PTK2: variants seen among roughly 807,000 people sequenced by gnomAD.
PTK2 encodes focal adhesion kinase 1.
In PTK2, 45 loss-of-function variants were observed where a neutral mutation model predicts 150.1. The ratio of observed to expected loss-of-function variants is 0.30; its 90% confidence interval spans 0.24 to 0.38. The LOEUF (loss-of-function observed/expected upper bound fraction) is 0.38, where lower values mean the gene tolerates loss of function less well. PTK2 is among the 10% of genes least tolerant of loss of function. The pLI, the probability that PTK2 is intolerant of heterozygous loss-of-function variation, is 1.00. For missense variants in PTK2, 919 were observed against 1,307.3 expected, an observed-to-expected ratio of 0.70 and a Z score of 4.58; for synonymous variants, 432 against 449.2, an observed-to-expected ratio of 0.96 and a Z score of 0.48.
At chr8:140,818,406 T>C in intron 9 of PTK2, 52 bp from the exon 10 acceptor site, 2 of 1,490,934 alleles carry the variant, frequency 1.3e-6, no homozygotes, top group South Asian at 2.3e-5. Flanking sequence ...AAAAAAGAAA[T>C]ACTTTAGATA....
chr8:140,744,062 C>CGCGGTGG (rs58628473), intron 19 of PTK2, among the ~76,000 whole-genome samples: 89,938 of 149,936 alleles, frequency 0.6, 28,362 homozygotes, highest in African/African-American at 0.79. Flanking sequence ...CAGCTATGAG[C>CGCGGTGG]CACCGCGCCC....
At chr8:140,878,052 C>CA (rs1242524193) in intron 4 of PTK2, among the ~76,000 whole-genome samples, 2 of 152,062 alleles carry the variant, frequency 1.3e-5, no homozygotes, top group Admixed American at 6.6e-5. Context: ...ATGACCATCT[C>CA]AAAAAACAAA....
intron 7 of PTK2, among the ~76,000 whole-genome samples, chr8:140,831,482 T>TA (rs1290664505): frequency 6.6e-6 from 1 of 152,240 alleles, no homozygotes; most frequent in African/African-American, 2.4e-5. Flanking sequence ...TAGCTGACGT[T>TA]ATAAACAAAA....
At chr8:140,925,550 A>G (rs1206219039) in intron 2 of PTK2, 111 bp downstream of exon 2, 4 of 662,450 alleles carry the variant, frequency 6.0e-6, no homozygotes, top group Non-Finnish European at 7.5e-6. Context: ...TAGTCATAAT[A>G]AATCTAATCA....
intron 3 of PTK2, among the ~76,000 whole-genome samples, chr8:140,889,227 CT>C (rs902457932): frequency 2.0e-5 from 3 of 151,004 alleles, no homozygotes; most frequent in African/African-American, 2.5e-5. Flanking sequence ...AGCCTTAAAT[CT>C]TTTTTTTCTT....
chr8:140,857,004 C>T (rs749255035), intron 5 of PTK2, among the ~76,000 whole-genome samples: 2 of 152,176 alleles, frequency 1.3e-5, no homozygotes, highest in Non-Finnish European at 2.9e-5. Context: ...ATTCTTTCAA[C>T]ACTGCAGTAC....
At chr8:140,900,015 T>C (rs2100157810) in intron 2 of PTK2, among the ~76,000 whole-genome samples, 1 of 152,156 alleles carries the variant, frequency 6.6e-6, no homozygotes, top group African/African-American at 2.4e-5. Flanking sequence ...AGGGAAAATG[T>C]GAAGGCCTTT....
intron 31 of PTK2, chr8:140,662,701 A>G: frequency 1.7e-6 from 1 of 594,980 alleles, no homozygotes; most frequent in Non-Finnish European, 3.2e-6. Flanking sequence ...GTCAATGTCC[A>G]GTTGGTCAAC....
At chr8:140,949,484 C>G (rs530213306) in intron 1 of PTK2, among the ~76,000 whole-genome samples, 1 of 152,220 alleles carries the variant, frequency 6.6e-6, no homozygotes, top group Non-Finnish European at 1.5e-5. Flanking sequence ...TCCGGGAAGC[C>G]CCCCCGCCCT....
At chr8:140,962,130 G>C (rs749518409) in intron 1 of PTK2, among the ~76,000 whole-genome samples, 2 of 151,542 alleles carry the variant, frequency 1.3e-5, no homozygotes, top group Non-Finnish European at 2.9e-5. Context: ...CTGAGACAGG[G>C]GAATCGCTTG....
rs111306354 is a variant in PTK2, at chr8:140,818,131, C to T, written c.867+146G>A. On this transcript the variant is annotated intron_variant, in intron 10 of 31. Transcript: ENST00000522684. ...TCAACAGCACCTAGACTTTCTCTTACTTGTCCCCCACTCCACTGAACAATA... is the reference window on the plus strand; with the variant it reads ...TCAACAGCACCTAGACTTTCTCTTATTTGTCCCCCACTCCACTGAACAATA... 1.8e-3 allele frequency: 1,237 copies of T among 697,804 alleles called. 17 individuals carry two copies. In the African/African-American group the frequency reaches 0.02, roughly 11 times the overall value. 43.2% of individuals were successfully genotyped at this position (697,804 alleles called of 1,614,324 possible). A position where few individuals can be genotyped will look rare whatever the true frequency, so the allele number is the denominator to read the frequency against.
intron 21 of PTK2, among the ~76,000 whole-genome samples, chr8:140,736,389 G>A (rs1255440114): frequency 6.6e-6 from 1 of 152,070 alleles, no homozygotes; most frequent in African/African-American, 2.4e-5. Flanking sequence ...AGGGAAGGAG[G>A]TGGGTAATGG....
chr8:140,944,075 T>C (rs1486398819), intron 1 of PTK2, among the ~76,000 whole-genome samples: 2 of 152,202 alleles, frequency 1.3e-5, no homozygotes, highest in East Asian at 1.9e-4. Flanking sequence ...CACTATGATA[T>C]GCAAAGACGG....
chr8:140,923,915 C>T (rs73714787), intron 2 of PTK2, among the ~76,000 whole-genome samples: 1 of 151,890 alleles, frequency 6.6e-6, no homozygotes, highest in Admixed American at 6.6e-5. Context: ...CAGCTCTCAC[C>T]GCCCTACACT....
At chr8:140,992,038 T>C (rs1453664614) in intron 1 of PTK2, among the ~76,000 whole-genome samples, 2 of 151,882 alleles carry the variant, frequency 1.3e-5, no homozygotes. Flanking sequence ...ATGCCCATAA[T>C]CTCAGCACTT....
chr8:140,846,998 G>A (rs2100125979), intron 5 of PTK2, among the ~76,000 whole-genome samples: 1 of 152,046 alleles, frequency 6.6e-6, no homozygotes, highest in Non-Finnish European at 1.5e-5. Context: ...GAAATAAAAT[G>A]GTCTCCTATT....
At chr8:140,786,135 T>TA (rs556551223) in intron 14 of PTK2, among the ~76,000 whole-genome samples, 90 of 152,310 alleles carry the variant, frequency 5.9e-4, no homozygotes, top group African/African-American at 2.1e-3. Context: ...CGGATTAATG[T>TA]AAAACAGAAA....
At chr8:140,846,275 T>C in exon 7 of PTK2, 1 of 1,611,700 alleles carries the variant, frequency 6.2e-7, no homozygotes, top group Non-Finnish European at 8.5e-7. Context: ...TACTTCATAG[T>C]TAGACTTCTT....
chr8:140,865,203 C>T (rs2100138589), intron 4 of PTK2, among the ~76,000 whole-genome samples: 2 of 152,158 alleles, frequency 1.3e-5, no homozygotes, highest in South Asian at 4.1e-4. Context: ...GTCATTTTGA[C>T]TATCCTCTTT....
Sources: gnomAD v4.1 joint callset for allele counts (sites outside exome capture counted in the v4.1 genomes callset) on GRCh38, gnomAD v4.1.1 for gene constraint, MANE v1.5 for transcripts, NCBI Gene and HGNC (gene_info 2026-07-23, HGNC 2026-07-21) for gene names.